The following GABRR1 variants were observed in gnomAD, a reference collection of about 807,000 sequenced individuals.
GABRR1 encodes the protein gamma-aminobutyric acid receptor subunit rho-1.
A neutral mutation model predicts 55.5 loss-of-function variants in GABRR1; 59 were observed. The ratio of observed to expected loss-of-function variants is 1.06; its 90% CI spans 0.86 to 1.32. GABRR1 has a LOEUF of 1.32. Among genes scored for constraint, GABRR1 ranks in the 40% most tolerant of loss-of-function variants. The pLI is 0.00. For synonymous variants in GABRR1, 213 were observed against 226.0 expected (o/e 0.94, Z 0.51); for missense variants, 602 against 619.1 (o/e 0.97, Z 0.29).
At chr6:89,207,692 C>T (rs943463257) in intron 1 of GABRR1, among the ~76,000 whole-genome samples, 1 of 152,110 alleles carries the variant, frequency 6.6e-6, no homozygotes, top group Non-Finnish European at 1.5e-5. Context: ...TGGAATCACC[C>T]GAGGAGCTTA....
intron 1 of GABRR1, among the ~76,000 whole-genome samples, chr6:89,210,404 G>A (rs1451519331): frequency 6.6e-6 from 1 of 151,928 alleles, no homozygotes; most frequent in East Asian, 1.9e-4. Context: ...ATGTTGCCTA[G>A]GCTGGTCTCT....
chr6:89,198,157 A>C lies in GABRR1; in HGVS notation c.435T>G (p.Phe145Leu). 6.2e-7 allele frequency: 1 copy of C among 1,614,116 alleles called. No homozygotes were observed. Among genetic ancestry groups the C allele is most frequent in the Non-Finnish European group, 8.5e-7 (1 of 1,180,022 alleles). The stretch of plus-strand genomic sequence containing the variant: ...AGATCTTCTTGACCAGCCGGCCGTC[A>C]AACGTCATGCTGAGGTTGTTGGTGC... Reference protein sequence around the residue: ...FPSTNNLSMTFDGRLVKKIWV... With the variant: ...FPSTNNLSMTLDGRLVKKIWV... The change falls in exon 5 of 10, where the codon TTT becomes TTG. Residue 145 changes from phenylalanine to leucine, a missense_variant. By Grantham distance (22) the Phe-to-Leu change is conservative. Coordinates refer to ENST00000454853, the MANE Select transcript of GABRR1 (RefSeq NM_002042.5).
chr6:89,202,847 G>A (rs1772522027), intron 2 of GABRR1, among the ~76,000 whole-genome samples: 2 of 152,032 alleles, frequency 1.3e-5, no homozygotes, highest in Admixed American at 6.6e-5. Context: ...CCAAGTAGCT[G>A]GGACTACAGG....
At chr6:89,217,544 GT>G, upstream of GABRR1, 1 of 439,016 alleles carries the variant, frequency 2.3e-6, no homozygotes, top group Non-Finnish European at 4.0e-6. Flanking sequence ...CTGAACTGAG[GT>G]TGAATTCCTG....
At chr6:89,218,605 G>T (rs889880355), upstream of GABRR1, among the ~76,000 whole-genome samples, 2 of 152,172 alleles carry the variant, frequency 1.3e-5, no homozygotes, top group African/African-American at 4.8e-5. Context: ...CATAGGTTTA[G>T]TAAGAATCTG....
chr6:89,216,483 C>T (rs17504587), intron 1 of GABRR1, among the ~76,000 whole-genome samples: 26,226 of 152,116 alleles, frequency 0.17, 2,457 homozygotes, highest in Middle Eastern at 0.25. Context: ...TGACTGATGC[C>T]GGGCAAGCAG....
intron 5 of GABRR1, among the ~76,000 whole-genome samples, chr6:89,190,916 C>T (rs1582383009): frequency 6.6e-6 from 1 of 152,182 alleles, no homozygotes; most frequent in Non-Finnish European, 1.5e-5. Flanking sequence ...AAGCCAAACA[C>T]ATACAGATCA....
In GABRR1 at chr6:89,191,026, C is replaced by T. The variant is rs570958094; in HGVS notation, c.573-779G>A. 1.6e-4 allele frequency among the ~76,000 whole-genome samples: 25 copies of T among 152,316 alleles called. No individual in the cohort carries two copies. In the Middle Eastern group the frequency reaches 0.014, roughly 83 times the overall value. On this transcript the variant is annotated intron_variant, in intron 5 of 9. Coordinates refer to ENST00000454853, the MANE Select transcript of GABRR1 (RefSeq NM_002042.5). ...CTGAATGGACTCCTTTTCCTTCAACCATGCAATATTTGCTACGCAAAAGTT... is the reference window on the plus strand; with the variant it reads ...CTGAATGGACTCCTTTTCCTTCAACTATGCAATATTTGCTACGCAAAAGTT...
chr6:89,201,629 C>A (rs374643826), intron 2 of GABRR1, among the ~76,000 whole-genome samples: 89 of 152,106 alleles, frequency 5.9e-4, no homozygotes, highest in African/African-American at 2.0e-3. Context: ...AATACAAAAA[C>A]TTAGCTGGGC....
At chr6:89,195,084 A>C (rs1772218244) in intron 5 of GABRR1, among the ~76,000 whole-genome samples, 1 of 152,200 alleles carries the variant, frequency 6.6e-6, no homozygotes, top group Admixed American at 6.5e-5. Context: ...ATCTCCAGGC[A>C]TATAGTAATC....
intron 8 of GABRR1, among the ~76,000 whole-genome samples, chr6:89,181,680 A>G (rs1771724178): frequency 6.6e-6 from 1 of 152,190 alleles, no homozygotes; most frequent in Non-Finnish European, 1.5e-5. Flanking sequence ...GACAAGACTA[A>G]AGGTGGGCTG....
At chr6:89,209,565 C>T (rs1248591650) in intron 1 of GABRR1, among the ~76,000 whole-genome samples, 1 of 152,180 alleles carries the variant, frequency 6.6e-6, no homozygotes, top group East Asian at 1.9e-4. Flanking sequence ...ATCTCTACCT[C>T]GCTTCACCTC....
intron 1 of GABRR1, among the ~76,000 whole-genome samples, chr6:89,223,760 ATTGTGGGTTTTTTT>A (rs546680598): frequency 3.3e-4 from 43 of 130,560 alleles, no homozygotes; most frequent in African/African-American, 1.2e-3. Context: ...GTGGTATTGC[ATTGTGGGTTTTTTT>A]TTTTTTTGAG....
intron 2 of GABRR1, among the ~76,000 whole-genome samples, 171 bp downstream of exon 2, chr6:89,203,264 C>A (rs1365584032): frequency 6.6e-6 from 1 of 152,086 alleles, no homozygotes; most frequent in Non-Finnish European, 1.5e-5. Context: ...CAGGAGCCAC[C>A]CCGCCACCCC....
chr6:89,224,785 ATT>A (rs67401452), intron 1 of GABRR1, among the ~76,000 whole-genome samples: 6 of 149,756 alleles, frequency 4.0e-5, no homozygotes, highest in Non-Finnish European at 7.4e-5. Context: ...TTCTTCTAGA[ATT>A]TTTTTTTTTC....
chr6:89,200,584 A>AC (rs1554191259), intron 3 of GABRR1, among the ~76,000 whole-genome samples: 6 of 150,686 alleles, frequency 4.0e-5, no homozygotes, highest in Admixed American at 4.0e-4. Context: ...TAAAATGAGT[A>AC]TTTTTTTTTC....
chr6:89,178,725 G>A lies in GABRR1; in HGVS notation c.*45C>T, dbSNP rs1360543156. The A allele has an allele frequency of 3.4e-6, 5 of 1,491,794 alleles. No individual in the cohort carries two copies. The highest frequency in any genetic ancestry group is 3.4e-5 in the Admixed American group (2 of 59,348). The allele number at this position is 1,491,794 out of a possible 1,614,324, so 92.4% of individuals were successfully genotyped here. ...ACTTTTTCATTATACAGTTATTTCT[G>A]TAGTGCATGCCATGGAAATGTGAAA... On this transcript the variant is annotated 3_prime_UTR_variant, in exon 10 of 10. Coordinates refer to ENST00000454853, the MANE Select transcript of GABRR1 (RefSeq NM_002042.5).
At chr6:89,188,334 T>C (rs951712383) in intron 6 of GABRR1, among the ~76,000 whole-genome samples, 1 of 152,214 alleles carries the variant, frequency 6.6e-6, no homozygotes, top group Middle Eastern at 3.2e-3. Context: ...ATTGTTTTAA[T>C]TTTTTGAGGA....
At chr6:89,230,565 T>A (rs1302885623) in intron 1 of GABRR1, among the ~76,000 whole-genome samples, 1 of 152,228 alleles carries the variant, frequency 6.6e-6, no homozygotes, top group Non-Finnish European at 1.5e-5. Context: ...GCCTCCCAGT[T>A]AGGCTGCTCG....
Sources: allele counts gnomAD v4.1 joint callset (sites outside exome capture counted in the v4.1 genomes callset), GRCh38; gene constraint gnomAD v4.1.1; transcripts MANE v1.5; gene names NCBI Gene and HGNC (gene_info 2026-07-23, HGNC 2026-07-21).